The following AGBL4 variants were observed in gnomAD, a reference collection of about 807,000 sequenced individuals.
AGBL4 encodes cytosolic carboxypeptidase 6.
A neutral mutation model predicts 66.4 loss-of-function variants in AGBL4; 58 were observed. The ratio of observed to expected loss-of-function variants is 0.87; its 90% CI spans 0.71 to 1.09. AGBL4 has a LOEUF of 1.09. Ranked by LOEUF, AGBL4 falls within the 50% of genes least tolerant of loss-of-function variation. The pLI is 0.00. For missense variants in AGBL4, 579 were observed against 631.0 expected, an observed-to-expected ratio of 0.92 and a Z score of 0.88; for synonymous variants, 234 against 222.9, an observed-to-expected ratio of 1.05 and a Z score of -0.44.
intron 3 of AGBL4, among the ~76,000 whole-genome samples, chr1:49,254,775 C>A (rs1477192166): frequency 1.3e-5 from 2 of 152,136 alleles, no homozygotes; most frequent in African/African-American, 4.8e-5. Flanking sequence ...TACTACATGG[C>A]TACAGTAATC....
downstream of AGBL4, among the ~76,000 whole-genome samples, chr1:48,532,160 C>G (rs951144744): frequency 1.3e-5 from 2 of 152,180 alleles, no homozygotes; most frequent in African/African-American, 4.8e-5. Context: ...AGATACCTCA[C>G]TTTCCTAGTC....
At chr1:49,437,399 A>C (rs575256503) in intron 3 of AGBL4, among the ~76,000 whole-genome samples, 5 of 152,302 alleles carry the variant, frequency 3.3e-5, no homozygotes, top group African/African-American at 1.2e-4. Flanking sequence ...TATTTATGCA[A>C]TAGATAAATA....
At chr1:48,650,882 T>C (rs967044081) in intron 8 of AGBL4, among the ~76,000 whole-genome samples, 2 of 152,198 alleles carry the variant, frequency 1.3e-5, no homozygotes, top group African/African-American at 4.8e-5. Flanking sequence ...AGAACATGTT[T>C]AACTTTGCTT....
intron 4 of AGBL4, among the ~76,000 whole-genome samples, chr1:49,059,432 C>T (rs1644363253): frequency 1.3e-5 from 2 of 152,346 alleles, no homozygotes; most frequent in Middle Eastern, 3.4e-3. Flanking sequence ...TCCTGGATGT[C>T]CAGGCAAAAG....
At chr1:49,774,819 G>C (rs1426107838) in intron 2 of AGBL4, among the ~76,000 whole-genome samples, 1 of 152,100 alleles carries the variant, frequency 6.6e-6, no homozygotes, top group Admixed American at 6.6e-5. Flanking sequence ...ACTCTTTCCA[G>C]AGACTCATAT....
intron 1 of AGBL4, among the ~76,000 whole-genome samples, chr1:49,880,599 A>G (rs1013710118): frequency 5.3e-5 from 8 of 151,974 alleles, no homozygotes; most frequent in Non-Finnish European, 1.2e-4. Context: ...TGCAGAGGTT[A>G]CTGCTGTCTT....
At chr1:48,684,513 GGTA>G (rs1646500764) in intron 6 of AGBL4, among the ~76,000 whole-genome samples, 1 of 152,142 alleles carries the variant, frequency 6.6e-6, no homozygotes, top group Non-Finnish European at 1.5e-5. Flanking sequence ...GAATGTGACT[GGTA>G]GTATGAGGAT....
At chr1:49,552,657 T>C (rs377615704) in intron 3 of AGBL4, among the ~76,000 whole-genome samples, 1 of 152,208 alleles carries the variant, frequency 6.6e-6, no homozygotes, top group South Asian at 2.1e-4. Context: ...ATTTGGGGTG[T>C]CTTCTGGGTC....
At position 49,647,642 on chromosome 1, in the gene AGBL4, A is replaced by T. The variant is rs1046343018; in HGVS notation, c.282+49671T>A. Among the ~76,000 whole-genome samples, 3 of 152,130 alleles carry T rather than the reference A, an allele frequency of 2.0e-5. No homozygotes were observed. The East Asian group carries it at 5.8e-4, about 29-fold the overall frequency. ...GGGAGGGTGAAATAACCATTTAAAA[A>T]TACTCCAGATCATTCTCTTCTACTT... On this transcript the variant is annotated intron_variant, in intron 3 of 13. Coordinates refer to ENST00000371839, the MANE Select transcript of AGBL4 (RefSeq NM_032785.4).
At chr1:49,389,561 C>A (rs1007002900) in intron 3 of AGBL4, among the ~76,000 whole-genome samples, 3 of 152,066 alleles carry the variant, frequency 2.0e-5, no homozygotes, top group Non-Finnish European at 4.4e-5. Context: ...TCCTCTCAAG[C>A]CCCTTCTCAT....
chr1:48,642,447 G>A lies in AGBL4; in HGVS notation c.840-7843C>T, dbSNP rs141670521. 4.4e-3 allele frequency among the ~76,000 whole-genome samples: 670 copies of A among 152,184 alleles called. 5 individuals carry two copies. Among genetic ancestry groups the A allele is most frequent in the Non-Finnish European group, 7.5e-3 (510 of 68,010 alleles). ...GATTCATCCTCTCTCCTGCTTGGCA[G>A]CAACAAACACTGGGTTCAGGTGGAT... is the stretch of plus-strand genomic sequence containing the variant. On this transcript the variant is annotated intron_variant, in intron 8 of 13. Transcript: ENST00000371839.
At chr1:48,702,601 T>C (rs1321585726) in intron 6 of AGBL4, among the ~76,000 whole-genome samples, 1 of 152,124 alleles carries the variant, frequency 6.6e-6, no homozygotes, top group African/African-American at 2.4e-5. Flanking sequence ...TGGCCTCTTC[T>C]TTTTTAACAT....
At chr1:48,961,737 C>T (rs1326573146) in intron 5 of AGBL4, among the ~76,000 whole-genome samples, 2 of 152,192 alleles carry the variant, frequency 1.3e-5, no homozygotes, top group African/African-American at 4.8e-5. Flanking sequence ...GCATTTCCAC[C>T]AGGCTGACAA....
intron 6 of AGBL4, among the ~76,000 whole-genome samples, chr1:48,684,348 A>G (rs988581660): frequency 1.3e-5 from 2 of 152,230 alleles, no homozygotes; most frequent in Non-Finnish European, 2.9e-5. Flanking sequence ...GGGGAAAGCA[A>G]AGCAGAAGCA....
intron 1 of AGBL4, among the ~76,000 whole-genome samples, chr1:49,986,784 T>C (rs1043697859): frequency 6.6e-6 from 1 of 152,122 alleles, no homozygotes; most frequent in Non-Finnish European, 1.5e-5. Context: ...TCCCAGGCCT[T>C]ACTAAACTTG....
intron 1 of AGBL4, among the ~76,000 whole-genome samples, chr1:49,862,911 A>T (rs1038324602): frequency 6.6e-6 from 1 of 152,222 alleles, no homozygotes; most frequent in East Asian, 1.9e-4. Context: ...GAAGTAGTTC[A>T]ATCAGAAGGA....
chr1:49,693,190 T>A (rs1646922028), intron 3 of AGBL4, among the ~76,000 whole-genome samples: 1 of 152,204 alleles, frequency 6.6e-6, no homozygotes. Flanking sequence ...TAAAATAGTA[T>A]AAACTTTCTG....
chr1:49,299,126 A>G (rs1302615328), intron 3 of AGBL4, among the ~76,000 whole-genome samples: 2 of 152,242 alleles, frequency 1.3e-5, no homozygotes, highest in African/African-American at 4.8e-5. Flanking sequence ...GGCTGTATCA[A>G]TATTCCCATA....
chr1:49,213,047 C>T (rs1280853031), intron 4 of AGBL4, among the ~76,000 whole-genome samples: 1 of 152,044 alleles, frequency 6.6e-6, no homozygotes, highest in Non-Finnish European at 1.5e-5. Flanking sequence ...TTCTTTTAAA[C>T]AATATTTACT....
Sources: allele counts gnomAD v4.1 joint callset (sites outside exome capture counted in the v4.1 genomes callset), GRCh38; gene constraint gnomAD v4.1.1; transcripts MANE v1.5; gene names NCBI Gene and HGNC (gene_info 2026-07-23, HGNC 2026-07-21).